The following PLPP3 variants were observed in gnomAD, a reference collection of about 807,000 sequenced individuals.
The protein encoded by PLPP3 is PAP2 beta.
A neutral mutation model predicts 29.6 loss-of-function variants in PLPP3; 6 were observed. The ratio of observed to expected loss-of-function variants is 0.20; its 90% confidence interval spans 0.11 to 0.40. PLPP3 has a LOEUF of 0.40. PLPP3 is among the 10% of genes least tolerant of loss of function. PLPP3 has a pLI of 1.00. For missense variants in PLPP3, 308 were observed against 407.7 expected, an observed-to-expected ratio of 0.76 and a Z score of 2.11; for synonymous variants, 152 against 159.7, an observed-to-expected ratio of 0.95 and a Z score of 0.36.
chr1:56,539,162 A>G (rs935335504), intron 1 of PLPP3, among the ~76,000 whole-genome samples: 8 of 152,192 alleles, frequency 5.3e-5, no homozygotes, highest in Non-Finnish European at 1.2e-4. Flanking sequence ...TCCCTAATTT[A>G]ACTTTGCAAA....
intron 1 of PLPP3, among the ~76,000 whole-genome samples, chr1:56,568,170 G>A (rs1022458440): frequency 3.9e-5 from 6 of 152,112 alleles, no homozygotes; most frequent in African/African-American, 9.7e-5. Flanking sequence ...GACTGGTAGT[G>A]GGTATCGTTT....
chr1:56,509,102 T>C (rs1645723211), intron 5 of PLPP3, among the ~76,000 whole-genome samples: 2 of 152,232 alleles, frequency 1.3e-5, no homozygotes, highest in Non-Finnish European at 2.9e-5. Flanking sequence ...GAGGTCCCAC[T>C]GAGCACAAGG....
intron 5 of PLPP3, among the ~76,000 whole-genome samples, chr1:56,501,302 C>T (rs1050071536): frequency 3.9e-5 from 6 of 152,102 alleles, no homozygotes; most frequent in African/African-American, 9.7e-5. Context: ...CCCATAAAAA[C>T]TCTTAAAATT....
chr1:56,533,024 G>A (rs895567926), intron 2 of PLPP3, among the ~76,000 whole-genome samples: 6 of 151,764 alleles, frequency 4.0e-5, no homozygotes, highest in African/African-American at 1.5e-4. Flanking sequence ...AAAAGACCTG[G>A]CCCCGTCTTC....
chr1:56,506,481 C>T (rs753320622), intron 5 of PLPP3, among the ~76,000 whole-genome samples: 12 of 152,154 alleles, frequency 7.9e-5, no homozygotes, highest in Non-Finnish European at 7.3e-5. Context: ...CGGAGCCACA[C>T]CCCCGGGAAG....
intron 1 of PLPP3, among the ~76,000 whole-genome samples, chr1:56,553,411 G>A (rs1323003210): frequency 2.6e-5 from 4 of 152,256 alleles, no homozygotes; most frequent in African/African-American, 9.6e-5. Flanking sequence ...GCTAACCCAG[G>A]TGTGACCAAC....
intron 1 of PLPP3, among the ~76,000 whole-genome samples, chr1:56,544,126 T>G (rs1645989000): frequency 6.6e-6 from 1 of 152,222 alleles, no homozygotes; most frequent in African/African-American, 2.4e-5. Context: ...AAAAGAACTT[T>G]GGATGTCCTT....
At chr1:56,516,581 T>A (rs1645782470) in intron 4 of PLPP3, among the ~76,000 whole-genome samples, 1 of 152,174 alleles carries the variant, frequency 6.6e-6, no homozygotes, top group Non-Finnish European at 1.5e-5. Context: ...CTGGCTTATC[T>A]GCATTCACTT....
At chr1:56,560,940 C>A (rs1646121730) in intron 1 of PLPP3, among the ~76,000 whole-genome samples, 1 of 150,144 alleles carries the variant, frequency 6.7e-6, no homozygotes. Context: ...AGGGTTCACA[C>A]CATTCTCCTG....
intron 2 of PLPP3, 102 bp downstream of exon 2, chr1:56,536,853 G>C: frequency 2.1e-6 from 3 of 1,441,550 alleles, no homozygotes; most frequent in Non-Finnish European, 2.8e-6. Context: ...GAGAAAGTTG[G>C]CTTCTACTTG....
intron 5 of PLPP3, among the ~76,000 whole-genome samples, chr1:56,497,188 G>A (rs920708550): frequency 1.3e-5 from 2 of 152,204 alleles, no homozygotes; most frequent in African/African-American, 4.8e-5. Context: ...TCAACCATTT[G>A]ACGGGGGTCA....
intron 4 of PLPP3, among the ~76,000 whole-genome samples, chr1:56,516,582 G>C (rs913723806): frequency 1.3e-5 from 2 of 152,012 alleles, no homozygotes; most frequent in African/African-American, 4.8e-5. Context: ...TGGCTTATCT[G>C]CATTCACTTC....
chr1:56,517,084 T>C (rs1207855118), intron 4 of PLPP3: 1 of 152,264 alleles, frequency 6.6e-6, no homozygotes, highest in African/African-American at 2.4e-5. Context: ...ATGATTTGCA[T>C]ACTGGTGGAA....
At chr1:56,544,188 C>G (rs566990443) in intron 1 of PLPP3, among the ~76,000 whole-genome samples, 1 of 152,298 alleles carries the variant, frequency 6.6e-6, no homozygotes, top group South Asian at 2.1e-4. Context: ...AAATAATTAA[C>G]ATCAGCCTCC....
chr1:56,549,989 A>G (rs369137338), intron 1 of PLPP3, among the ~76,000 whole-genome samples: 3 of 152,318 alleles, frequency 2.0e-5, no homozygotes, highest in East Asian at 3.9e-4. Context: ...CTGATTTTAC[A>G]AAGACTAGAA....
Position 56,524,832 on chromosome 1 carries a change from G to A in PLPP3, c.298-278C>T, listed in dbSNP as rs1327625814. ...TGTGTGTGTGTGTGTGTGTGTGTGT[G>A]TATCTTTTTTTTTAAGGGAGAGACA... On this transcript the variant is annotated intron_variant, in intron 2 of 5. Coordinates refer to ENST00000371250, the MANE Select transcript of PLPP3 (RefSeq NM_003713.5). The surrounding 1 kb of genome is among the most constrained non-coding windows in gnomAD (Gnocchi z 4.3). 5.5e-5 allele frequency among the ~76,000 whole-genome samples: 8 copies of A among 145,976 alleles called. No individual in the cohort carries two copies. The highest frequency in any genetic ancestry group is 3.3e-3 in the Middle Eastern group (1 of 304).
intron 5 of PLPP3, among the ~76,000 whole-genome samples, chr1:56,505,741 G>A (rs1036911004): frequency 2.6e-5 from 4 of 152,118 alleles, no homozygotes; most frequent in African/African-American, 9.7e-5. Context: ...TTAATTGACT[G>A]TTTATGTTAT....
intron 1 of PLPP3, among the ~76,000 whole-genome samples, chr1:56,578,224 G>C (rs945936015): frequency 1.3e-5 from 2 of 152,166 alleles, no homozygotes; most frequent in East Asian, 1.9e-4. Flanking sequence ...CTGCTGCACC[G>C]AGTCAGAGAG....
At chr1:56,555,459 A>C (rs1040506365) in intron 1 of PLPP3, among the ~76,000 whole-genome samples, 2 of 146,890 alleles carry the variant, frequency 1.4e-5, no homozygotes, top group Admixed American at 6.8e-5. Context: ...AAAAAAAAAA[A>C]ACAAAAAACA....
Sources: allele counts gnomAD v4.1 joint callset (sites outside exome capture counted in the v4.1 genomes callset), GRCh38; gene constraint gnomAD v4.1.1; non-coding constraint Gnocchi (gnomAD v3.1); transcripts MANE v1.5; gene names NCBI Gene and HGNC (gene_info 2026-07-23, HGNC 2026-07-21).